RBFOX3: variants seen among roughly 807,000 people sequenced by gnomAD.
RBFOX3 encodes RNA binding fox-1 homolog 3, also known as RNA binding protein fox-1 homolog 3.
In RBFOX3, 17 loss-of-function variants were observed where a neutral mutation model predicts 48.7. The ratio of observed to expected loss-of-function variants is 0.35; its 90% CI spans 0.24 to 0.52. RBFOX3 has a LOEUF of 0.52. Among genes scored for constraint, RBFOX3 ranks in the 20% least tolerant of loss-of-function variants. The pLI is 0.94. For missense variants in RBFOX3, 382 were observed against 497.5 expected (o/e 0.77, Z 2.21); for synonymous variants, 212 against 209.5 (o/e 1.01, Z -0.10).
chr17:79,294,897 T>C (rs2074074665), intron 3 of RBFOX3, among the ~76,000 whole-genome samples: 1 of 152,220 alleles, frequency 6.6e-6, no homozygotes, highest in South Asian at 2.1e-4. Flanking sequence ...CCCTCCCAAC[T>C]CTTTATTTGA....
At chr17:79,641,266 G>A in the RBFOX3 span, among the ~76,000 whole-genome samples, 1 of 152,180 alleles carries the variant, frequency 6.6e-6, no homozygotes, top group Non-Finnish European at 1.5e-5. Context: ...CCTCACACTT[G>A]TTAGGATGGC....
In RBFOX3 at chr17:79,399,237, C is replaced by G. The variant is rs192045522; in HGVS notation, c.-175+83217G>C. ...ATCTTGTGTTTCCAGCCACCCAGTC[C>G]GTGGCAGTTTGTTACAGCGGCCACA... is the stretch of plus-strand genomic sequence containing the variant. On this transcript the variant is annotated intron_variant, in intron 2 of 14. Transcript: ENST00000693108. 3.3e-5 allele frequency among the ~76,000 whole-genome samples: 5 copies of G among 151,734 alleles called. No homozygotes were observed. In the East Asian group the frequency reaches 9.7e-4, roughly 29 times the overall value.
chr17:79,143,201 C>T (rs993750886), intron 4 of RBFOX3, among the ~76,000 whole-genome samples: 4 of 152,142 alleles, frequency 2.6e-5, no homozygotes, highest in African/African-American at 4.8e-5. Flanking sequence ...CTGACCGTGG[C>T]GACTAGCACT....
chr17:79,582,778 G>A (rs956678457), intron 1 of RBFOX3, among the ~76,000 whole-genome samples: 2 of 78,340 alleles, frequency 2.6e-5, no homozygotes, highest in South Asian at 5.3e-4. Flanking sequence ...GCAAGACCCC[G>A]TCTCAAAAAA....
chr17:79,459,730 G>A (rs2075118920), intron 2 of RBFOX3, among the ~76,000 whole-genome samples: 1 of 152,144 alleles, frequency 6.6e-6, no homozygotes, highest in African/African-American at 2.4e-5. Context: ...CTTGCAGGTG[G>A]GACACAGAGA....
At chr17:79,506,874 C>T (rs1042762242) in intron 1 of RBFOX3, among the ~76,000 whole-genome samples, 18 of 152,212 alleles carry the variant, frequency 1.2e-4, no homozygotes, top group Admixed American at 3.9e-4. Context: ...AGTGCCCCCA[C>T]GATCCAGAGG....
chr17:79,643,604 C>T, the RBFOX3 span, among the ~76,000 whole-genome samples: 6 of 151,984 alleles, frequency 3.9e-5, no homozygotes, highest in South Asian at 8.3e-4. Flanking sequence ...TCTGACCACA[C>T]GGAACTAAAT....
At chr17:79,566,429 G>A (rs1251904321) in intron 1 of RBFOX3, among the ~76,000 whole-genome samples, 2 of 152,144 alleles carry the variant, frequency 1.3e-5, no homozygotes, top group Admixed American at 6.5e-5. Flanking sequence ...GTGCATGCAG[G>A]AAAACTGGTA....
chr17:79,174,306 G>A (rs1167814623), intron 4 of RBFOX3, among the ~76,000 whole-genome samples: 1 of 150,402 alleles, frequency 6.6e-6, no homozygotes, highest in African/African-American at 2.5e-5. Flanking sequence ...TGCACACAAT[G>A]CATTCACTCA....
At chr17:79,271,627 C>A (rs1454046815) in intron 3 of RBFOX3, among the ~76,000 whole-genome samples, 2 of 152,228 alleles carry the variant, frequency 1.3e-5, no homozygotes, top group African/African-American at 4.8e-5. Flanking sequence ...CTGACTTTCC[C>A]TTCTCCCACC....
intron 1 of RBFOX3, among the ~76,000 whole-genome samples, chr17:79,533,514 G>A (rs1443650227): frequency 6.6e-6 from 1 of 152,246 alleles, no homozygotes; most frequent in African/African-American, 2.4e-5. Flanking sequence ...CTGGCCGACT[G>A]GGGGAGTTTT....
In RBFOX3 at chr17:79,473,889, C is replaced by T. The variant is rs1202714829; in HGVS notation, c.-175+8565G>A. The stretch of plus-strand genomic sequence containing the variant: ...AAAGTTAGGCTTGCCTTGACCTCTA[C>T]TTCTAAATTAATTTTCCTTCCTCAG... On this transcript the variant is annotated intron_variant, in intron 2 of 14. Coordinates refer to ENST00000693108, the MANE Select transcript of RBFOX3 (RefSeq NM_001350451.2). The surrounding 1 kb of genome is among the most constrained non-coding windows in gnomAD (Gnocchi z 4.2). Among the ~76,000 whole-genome samples the T allele has an allele frequency of 6.6e-6, 1 of 152,166 alleles. No individual in the cohort carries two copies. The highest frequency in any genetic ancestry group is 2.4e-5 in the African/African-American group (1 of 41,438).
chr17:79,440,047 G>A (rs901272861), intron 2 of RBFOX3, among the ~76,000 whole-genome samples: 18 of 152,194 alleles, frequency 1.2e-4, no homozygotes, highest in Admixed American at 4.6e-4. Flanking sequence ...CCTCACACCC[G>A]GGCCAGAGGG....
chr17:79,204,023 C>T lies in RBFOX3; in HGVS notation c.-34+31743G>A, dbSNP rs1454938408. On this transcript the variant is annotated intron_variant, in intron 4 of 14. Coordinates refer to ENST00000693108, the MANE Select transcript of RBFOX3 (RefSeq NM_001350451.2). The surrounding 1 kb of genome is among the most constrained non-coding windows in gnomAD (Gnocchi z 4.5). ...GAACGCTCTGGGCTGGTGGAAGTGGCCCCTTCCATCTTTGCTAAGAGAAAG... is the reference window on the plus strand; with the variant it reads ...GAACGCTCTGGGCTGGTGGAAGTGGTCCCTTCCATCTTTGCTAAGAGAAAG... Among the ~76,000 whole-genome samples, 8 of 152,152 alleles carry T rather than the reference C, an allele frequency of 5.3e-5. No homozygotes were observed. The highest frequency in any genetic ancestry group is 5.2e-4 in the Admixed American group (8 of 15,284).
At chr17:79,260,435 CCCTGAGAAGAAAGAACGTGG>C in intron 3 of RBFOX3, among the ~76,000 whole-genome samples, 1 of 152,218 alleles carries the variant, frequency 6.6e-6, no homozygotes, top group Non-Finnish European at 1.5e-5. Flanking sequence ...GAGCTAGGAA[CCCTGAGAAGAAAGAACGTGG>C]CCTGAGAAGG....
chr17:79,130,742 GAC>G (rs2038634078), intron 4 of RBFOX3, among the ~76,000 whole-genome samples: 3 of 152,260 alleles, frequency 2.0e-5, no homozygotes, highest in Admixed American at 6.5e-5. Context: ...GCAGTCTTCT[GAC>G]ACAGTCCCTG....
chr17:79,608,075 G>A (rs894153872), intron 1 of RBFOX3, among the ~76,000 whole-genome samples: 15 of 152,206 alleles, frequency 9.9e-5, no homozygotes, highest in African/African-American at 3.6e-4. Context: ...CGCCTCCAGC[G>A]GCCCTGGGAC....
At chr17:79,528,650 G>A (rs1407494048) in intron 1 of RBFOX3, among the ~76,000 whole-genome samples, 4 of 151,962 alleles carry the variant, frequency 2.6e-5, no homozygotes, top group Admixed American at 2.6e-4. Flanking sequence ...TTGTCCCAAG[G>A]AGAGGAGGGG....
intron 1 of RBFOX3, among the ~76,000 whole-genome samples, chr17:79,558,908 G>C (rs1355660023): frequency 2.6e-5 from 4 of 152,090 alleles, no homozygotes; most frequent in Non-Finnish European, 4.4e-5. Context: ...GTGGCCCAGA[G>C]GCTGTGTGGA....
Sources: allele counts gnomAD v4.1 joint callset (sites outside exome capture counted in the v4.1 genomes callset), GRCh38; gene constraint gnomAD v4.1.1; non-coding constraint Gnocchi (gnomAD v3.1); transcripts MANE v1.5; gene names NCBI Gene and HGNC (gene_info 2026-07-23, HGNC 2026-07-21).